The following WIPF3 variants were observed in gnomAD, a reference collection of about 807,000 sequenced individuals.
WIPF3 encodes the protein WAS/WASL interacting protein family member 3.
A neutral mutation model predicts 38.9 loss-of-function variants in WIPF3; 33 were observed. The observed-to-expected ratio is 0.85, with a 90% CI of 0.64 to 1.14. The LOEUF is 1.14. WIPF3 is among the 50% of genes most tolerant of loss of function. The probability of loss-of-function intolerance (pLI) is 0.00; values close to 1 mark genes in which losing one functional copy is unlikely to be tolerated. For missense variants in WIPF3, 711 were observed against 652.5 expected (o/e 1.09, Z -0.98); for synonymous variants, 324 against 269.3 (o/e 1.20, Z -1.99).
chr7:29,816,132 C>T (rs1440675475), intron 1 of WIPF3, among the ~76,000 whole-genome samples: 3 of 152,198 alleles, frequency 2.0e-5, no homozygotes, highest in African/African-American at 7.2e-5. Flanking sequence ...AAGTGTTTCT[C>T]TGAGGTGGTA....
intron 8 of WIPF3, among the ~76,000 whole-genome samples, chr7:29,914,257 A>G (rs1786560658): frequency 6.6e-6 from 1 of 152,152 alleles, no homozygotes; most frequent in African/African-American, 2.4e-5. Flanking sequence ...ATAAATGTTT[A>G]TAAGACAGTA....
rs1785955720 is a variant in WIPF3, at chr7:29,889,222, A to G, written c.1250-84A>G. On this transcript the variant is annotated intron_variant, in intron 6 of 8. Transcript: ENST00000242140. Reference sequence around the variant, plus strand: ...AACAGAAAACGGTGGATGCAGTCAGAGTAATCTCTGTGCTCCTGGAAATGA... The same window carrying G: ...AACAGAAAACGGTGGATGCAGTCAGGGTAATCTCTGTGCTCCTGGAAATGA... The G allele has an allele frequency of 1.3e-5, 15 of 1,120,714 alleles. 1 individual carries two copies. Among genetic ancestry groups the G allele is most frequent in the South Asian group, 2.7e-5 (2 of 74,508 alleles). The allele number at this position is 1,120,714 out of a possible 1,614,324, so 69.4% of individuals were successfully genotyped here.
intron 7 of WIPF3, among the ~76,000 whole-genome samples, chr7:29,893,569 C>T (rs1216696143): frequency 2.0e-5 from 3 of 152,092 alleles, no homozygotes; most frequent in African/African-American, 4.8e-5. Flanking sequence ...ATAAATGGGA[C>T]TTGACTTTGG....
At chr7:29,904,216 G>A in intron 7 of WIPF3, 70 bp from the exon 8 acceptor site, 1 of 1,485,810 alleles carries the variant, frequency 6.7e-7, no homozygotes, top group Admixed American at 1.7e-5. Flanking sequence ...TTTAGAGAAA[G>A]TTTCTCTGTG....
At chr7:29,827,500 T>A (rs1784635017) in intron 1 of WIPF3, among the ~76,000 whole-genome samples, 1 of 152,190 alleles carries the variant, frequency 6.6e-6, no homozygotes, top group African/African-American at 2.4e-5. Flanking sequence ...TGTTTGCACG[T>A]GGGCTTGTGG....
At chr7:29,814,710 G>A (rs1326135935) in intron 1 of WIPF3, among the ~76,000 whole-genome samples, 4 of 152,204 alleles carry the variant, frequency 2.6e-5, no homozygotes, top group African/African-American at 9.7e-5. Flanking sequence ...TTTGGGGGAT[G>A]AGAGATAGTT....
At position 29,878,912 on chromosome 7, in the gene WIPF3, G is replaced by A. The variant is rs779443697; in HGVS notation, c.224-97G>A. The A allele has an allele frequency of 7.2e-5, 101 of 1,398,256 alleles. No individual in the cohort carries two copies. The highest frequency in any genetic ancestry group is 8.8e-5 in the Non-Finnish European group (91 of 1,028,286). The allele number at this position is 1,398,256 out of a possible 1,614,324, so 86.6% of individuals were successfully genotyped here. ...GTGGGAGAATGGGAAGGCTGACAAG[G>A]GCAGTGGTAGACCAGTGTTAGACCA... On this transcript the variant is annotated intron_variant, in intron 3 of 8. Transcript: ENST00000242140. The surrounding 1 kb of genome is among the most constrained non-coding windows in gnomAD (Gnocchi z 4.0).
intron 1 of WIPF3, among the ~76,000 whole-genome samples, chr7:29,824,715 C>A (rs374855206): frequency 6.6e-6 from 1 of 152,030 alleles, no homozygotes; most frequent in African/African-American, 2.4e-5. Flanking sequence ...ATGTCATGGA[C>A]GCTGATAGGT....
rs976396395 is a variant in WIPF3, at chr7:29,915,622, G to C, written c.*1106G>C. The C allele has an allele frequency of 6.6e-6, 1 of 152,254 alleles. No individual in the cohort carries two copies. Among genetic ancestry groups the C allele is most frequent in the Admixed American group, 6.5e-5 (1 of 15,278 alleles). The allele number at this position is 152,254 out of a possible 1,614,324, so 9.4% of individuals were successfully genotyped here. ...CCCTTGTGGTGGGCACCTGTCTGTG[G>C]GGAGATGTGTGCAAGCTCAGCCACT... On this transcript the variant is annotated 3_prime_UTR_variant, in exon 9 of 9. Transcript: ENST00000242140.
At chr7:29,898,403 T>C (rs767139102) in intron 7 of WIPF3, among the ~76,000 whole-genome samples, 5 of 152,166 alleles carry the variant, frequency 3.3e-5, no homozygotes, top group Non-Finnish European at 7.4e-5. Flanking sequence ...TAAGCCACTG[T>C]CATTCCTCAC....
At chr7:29,828,630 C>T (rs1452888437) in intron 1 of WIPF3, among the ~76,000 whole-genome samples, 1 of 152,200 alleles carries the variant, frequency 6.6e-6, no homozygotes, top group Non-Finnish European at 1.5e-5. Flanking sequence ...CTCGTATTCC[C>T]ATGGAATATC....
At chr7:29,875,389 C>T (rs1029276132) in intron 2 of WIPF3, among the ~76,000 whole-genome samples, 1 of 152,072 alleles carries the variant, frequency 6.6e-6, no homozygotes, top group East Asian at 1.9e-4. Context: ...CAGGGGATGA[C>T]AGGGCACAGG....
At chr7:29,898,816 T>C (rs556711905) in intron 7 of WIPF3, among the ~76,000 whole-genome samples, 16 of 152,340 alleles carry the variant, frequency 1.1e-4, no homozygotes, top group African/African-American at 3.4e-4. Context: ...ATACAAACTA[T>C]TTTTTACAAA....
In WIPF3 at chr7:29,837,287, C is replaced by T. The variant is rs564145182; in HGVS notation, c.90+2473C>T. Among the ~76,000 whole-genome samples the T allele has an allele frequency of 2.6e-3, 390 of 152,158 alleles. 3 individuals carry two copies. The highest frequency in any genetic ancestry group is 5.2e-3 in the Admixed American group (79 of 15,288). On this transcript the variant is annotated intron_variant, in intron 2 of 8. Coordinates refer to ENST00000242140, the MANE Select transcript of WIPF3 (RefSeq NM_001080529.3). ...AGGAGAATGGTGTGAACCCAGGAGGCGGAGCTTGCGGTGAGCCGAGACCAC... is the reference window on the plus strand; with the variant it reads ...AGGAGAATGGTGTGAACCCAGGAGGTGGAGCTTGCGGTGAGCCGAGACCAC...
chr7:29,826,842 A>G (rs1311361505), intron 1 of WIPF3, among the ~76,000 whole-genome samples: 4 of 152,314 alleles, frequency 2.6e-5, no homozygotes, highest in South Asian at 4.1e-4. Flanking sequence ...CTTACTTAGT[A>G]TGGTGCTTAA....
intron 8 of WIPF3, among the ~76,000 whole-genome samples, chr7:29,908,908 C>CAAAAA (rs59015755): frequency 1.2e-5 from 1 of 82,826 alleles, no homozygotes; most frequent in Non-Finnish European, 2.5e-5. Flanking sequence ...AACTCCATCT[C>CAAAAA]AAAAAAAAAA....
Position 29,850,020 on chromosome 7 carries a change from A to G in WIPF3, c.90+15206A>G, listed in dbSNP as rs1360608670. Among the ~76,000 whole-genome samples the G allele has an allele frequency of 2.0e-5, 3 of 152,242 alleles. No homozygotes were observed. In the East Asian group the frequency reaches 5.8e-4, roughly 29 times the overall value. ...AGGGAAGGGTATGTCTTTAGGGATA[A>G]AAGAATAATTGGAAATTTAAAATAT... is the stretch of plus-strand genomic sequence containing the variant. On this transcript the variant is annotated intron_variant, in intron 2 of 8. Coordinates refer to ENST00000242140, the MANE Select transcript of WIPF3 (RefSeq NM_001080529.3).
intron 2 of WIPF3, among the ~76,000 whole-genome samples, chr7:29,872,097 A>G (rs1046362103): frequency 1.3e-5 from 2 of 152,160 alleles, no homozygotes; most frequent in African/African-American, 4.8e-5. Context: ...TTTTTGGTGC[A>G]TAGTTTTGCC....
chr7:29,875,819 C>T lies in WIPF3; in HGVS notation c.91-11C>T. The T allele has an allele frequency of 6.2e-7, 1 of 1,611,388 alleles. No homozygotes were observed. The highest frequency in any genetic ancestry group is 8.5e-7 in the Non-Finnish European group (1 of 1,177,786). On this transcript the variant is annotated splice_polypyrimidine_tract_variant and intron_variant, in intron 2 of 8. Coordinates refer to ENST00000242140, the MANE Select transcript of WIPF3 (RefSeq NM_001080529.3). The stretch of plus-strand genomic sequence containing the variant: ...TGCTACTATAGTCAAATCCCTTTTA[C>T]TCCCTTACAGGTAAGCACAGACACC...
Sources: gnomAD v4.1 joint callset for allele counts (sites outside exome capture counted in the v4.1 genomes callset) on GRCh38, gnomAD v4.1.1 for gene constraint, Gnocchi (gnomAD v3.1) non-coding constraint, MANE v1.5 for transcripts, NCBI Gene and HGNC (gene_info 2026-07-23, HGNC 2026-07-21) for gene names.